GALNT18: variants seen among roughly 807,000 people sequenced by gnomAD.
GALNT18 encodes the protein GalNAc-transferase 18.
A neutral mutation model predicts 69.5 loss-of-function variants in GALNT18; 44 were observed. That is an observed-to-expected ratio of 0.63 (90% confidence interval 0.50 to 0.81). The LOEUF is 0.81. GALNT18 is among the 40% of genes least tolerant of loss of function. The probability of loss-of-function intolerance (pLI) is 0.00; values close to 1 mark genes in which losing one functional copy is unlikely to be tolerated. For synonymous variants in GALNT18, 364 were observed against 318.2 expected (o/e 1.14, Z -1.53); for missense variants, 715 against 810.0 (o/e 0.88, Z 1.42).
chr11:11,336,625 G>T (rs78008924), intron 7 of GALNT18, among the ~76,000 whole-genome samples: 3,527 of 152,316 alleles, frequency 0.023, 64 homozygotes, highest in Middle Eastern at 0.058. Flanking sequence ...AGATGTGCTT[G>T]CAGCTGAGGA....
In GALNT18 at chr11:11,500,015, C is replaced by G. The variant is rs4910011; in HGVS notation, c.236-51079G>C. Among the ~76,000 whole-genome samples, 1 of 152,016 alleles carries G rather than the reference C, an allele frequency of 6.6e-6. No individual in the cohort carries two copies. Among genetic ancestry groups the G allele is most frequent in the Non-Finnish European group, 1.5e-5 (1 of 68,016 alleles). The stretch of plus-strand genomic sequence containing the variant: ...AGAGAAAGATGCAGTCCTAGAGACA[C>G]AGAGAAAGAAAAAAGATCAAGAGAA... On this transcript the variant is annotated intron_variant, in intron 1 of 10. Transcript: ENST00000227756. The surrounding 1 kb of genome is among the most constrained non-coding windows in gnomAD (Gnocchi z 5.0).
At chr11:11,545,880 T>C (rs922838141) in intron 1 of GALNT18, among the ~76,000 whole-genome samples, 2 of 152,160 alleles carry the variant, frequency 1.3e-5, no homozygotes, top group Non-Finnish European at 2.9e-5. Flanking sequence ...TCATTTGGCC[T>C]GCATCAAAAT....
rs188906951 is a variant in GALNT18 at position 11,601,103 on chromosome 11, C to G, written c.235+20256G>C. On this transcript the variant is annotated intron_variant, in intron 1 of 10. Coordinates refer to ENST00000227756, the MANE Select transcript of GALNT18 (RefSeq NM_198516.3). The surrounding 1 kb of genome is among the most constrained non-coding windows in gnomAD (Gnocchi z 4.0). ...TCTTTGAACAAATATATAATAGCTA[C>G]TTTGCTGTCTTTTTCTGGTAAGTCT... Among the ~76,000 whole-genome samples, 368 of 152,234 alleles carry G rather than the reference C, an allele frequency of 2.4e-3. 2 individuals carry two copies. Among genetic ancestry groups the G allele is most frequent in the Admixed American group, 3.3e-3 (51 of 15,296 alleles).
chr11:11,306,997 G>T (rs1303469952), intron 9 of GALNT18, among the ~76,000 whole-genome samples: 2 of 152,218 alleles, frequency 1.3e-5, no homozygotes, highest in Non-Finnish European at 2.9e-5. Flanking sequence ...TAGCCTGTGA[G>T]ATGATAACAC....
At chr11:11,331,091 C>T (rs1053587742) in intron 8 of GALNT18, among the ~76,000 whole-genome samples, 1 of 152,208 alleles carries the variant, frequency 6.6e-6, no homozygotes, top group Non-Finnish European at 1.5e-5. Flanking sequence ...CAGCTGTGTC[C>T]TCAGGATGGT....
intron 1 of GALNT18, among the ~76,000 whole-genome samples, chr11:11,499,286 C>A (rs181360858): frequency 6.6e-6 from 1 of 152,220 alleles, no homozygotes; most frequent in Non-Finnish European, 1.5e-5. Context: ...GGCAGGACAT[C>A]AAGTCAATGA....
At chr11:11,434,647 G>A (rs183551860) in intron 2 of GALNT18, among the ~76,000 whole-genome samples, 29 of 152,246 alleles carry the variant, frequency 1.9e-4, no homozygotes, top group South Asian at 1.9e-3. Flanking sequence ...AAAGTGAGTC[G>A]TGCAAGGGTT....
Position 11,314,736 on chromosome 11 carries a change from G to A in GALNT18, c.1512+12350C>T, listed in dbSNP as rs1438444889. Among the ~76,000 whole-genome samples the A allele has an allele frequency of 6.6e-6, 1 of 152,216 alleles. No individual in the cohort carries two copies. Among genetic ancestry groups the A allele is most frequent in the Non-Finnish European group, 1.5e-5 (1 of 68,036 alleles). ...GGGGGCAGCTGTGAAAGTCCTTTGG[G>A]CTATGCCCTGTGGAGGCTGTGGATT... On this transcript the variant is annotated intron_variant, in intron 9 of 10. Coordinates refer to ENST00000227756, the MANE Select transcript of GALNT18 (RefSeq NM_198516.3). The surrounding 1 kb of genome is among the most constrained non-coding windows in gnomAD (Gnocchi z 5.2).
intron 1 of GALNT18, among the ~76,000 whole-genome samples, chr11:11,539,545 C>G (rs1009146584): frequency 2.6e-5 from 4 of 152,318 alleles, no homozygotes; most frequent in African/African-American, 9.6e-5. Context: ...AGATTCACCC[C>G]TGCCCTTCAG....
Position 11,331,861 on chromosome 11 carries a change from T to C in GALNT18, c.1416+833A>G, listed in dbSNP as rs536058691. On this transcript the variant is annotated intron_variant, in intron 8 of 10. Coordinates refer to ENST00000227756, the MANE Select transcript of GALNT18 (RefSeq NM_198516.3). ...GCCAGGCGAGATAGCCAAAAATCAA[T>C]CAAAATACCATTTAAAATACCTTAC... Among the ~76,000 whole-genome samples, 150 of 152,276 alleles carry C rather than the reference T, an allele frequency of 9.9e-4. 2 individuals are homozygous for C. Among genetic ancestry groups the C allele is most frequent in the African/African-American group, 3.3e-3 (138 of 41,580 alleles).
intron 8 of GALNT18, among the ~76,000 whole-genome samples, chr11:11,328,350 G>A (rs948377383): frequency 6.6e-6 from 1 of 152,116 alleles, no homozygotes. Context: ...CCTAGAACAG[G>A]GGACTGGAGA....
At position 11,271,022 on chromosome 11, in the gene GALNT18, CTCT is replaced by C; in HGVS notation, c.*119_*121del. 1 of 746,820 alleles carries C rather than the reference CTCT, an allele frequency of 1.3e-6. No homozygotes were observed. The highest frequency in any genetic ancestry group is 1.7e-5 in the African/African-American group (1 of 58,172). The allele number at this position is 746,820 out of a possible 1,614,324, so 46.3% of individuals were successfully genotyped here. A position where few individuals can be genotyped will look rare whatever the true frequency, so the allele number is the denominator to read the frequency against. On this transcript the variant is annotated 3_prime_UTR_variant, in exon 11 of 11. Transcript: ENST00000227756. Reference sequence around the variant, plus strand: ...TGAAAATTGAATAGGAAATAAAAAGCTCTTCTTGGGGGCCCACTAACCTGGTTC... The same window carrying C: ...TGAAAATTGAATAGGAAATAAAAAGCTCTTGGGGGCCCACTAACCTGGTTC...
chr11:11,361,295 C>A (rs1486686668), intron 6 of GALNT18, among the ~76,000 whole-genome samples: 1 of 152,184 alleles, frequency 6.6e-6, no homozygotes, highest in Non-Finnish European at 1.5e-5. Flanking sequence ...GGGTTCAAAT[C>A]GCATCTTTAC....
At position 11,596,948 on chromosome 11, in the gene GALNT18, T is replaced by C. The variant is rs932729111; in HGVS notation, c.235+24411A>G. Among the ~76,000 whole-genome samples, 3 of 152,186 alleles carry C rather than the reference T, an allele frequency of 2.0e-5. No individual in the cohort carries two copies. Among genetic ancestry groups the C allele is most frequent in the Non-Finnish European group, 1.5e-5 (1 of 68,020 alleles). On this transcript the variant is annotated intron_variant, in intron 1 of 10. Coordinates refer to ENST00000227756, the MANE Select transcript of GALNT18 (RefSeq NM_198516.3). This position sits in a 1 kb window ranked among gnomAD's most constrained non-coding sequence, Gnocchi z 4.2. Reference sequence around the variant, plus strand: ...TGTTAGTTGTGGGATTTTTTGTAGATGTTCTTCATCAGGTTGTTGAAATTA... The same window carrying C: ...TGTTAGTTGTGGGATTTTTTGTAGACGTTCTTCATCAGGTTGTTGAAATTA...
intron 1 of GALNT18, among the ~76,000 whole-genome samples, chr11:11,520,325 A>G (rs11021891): frequency 0.21 from 31,557 of 152,194 alleles, 3,843 homozygotes; most frequent in Non-Finnish European, 0.25. Context: ...CAAATGGTAG[A>G]GCAAGATTCA....
intron 6 of GALNT18, among the ~76,000 whole-genome samples, chr11:11,342,358 T>G (rs1261841387): frequency 6.6e-6 from 1 of 152,196 alleles, no homozygotes; most frequent in Non-Finnish European, 1.5e-5. Context: ...TGGTGGACAG[T>G]AGATATTACT....
At chr11:11,455,273 C>T (rs1452478181) in intron 1 of GALNT18, among the ~76,000 whole-genome samples, 3 of 152,142 alleles carry the variant, frequency 2.0e-5, no homozygotes, top group African/African-American at 7.2e-5. Context: ...CATATAGCAT[C>T]CAACTTAGTG....
At chr11:11,474,892 T>G (rs1856355359) in intron 1 of GALNT18, among the ~76,000 whole-genome samples, 1 of 152,216 alleles carries the variant, frequency 6.6e-6, no homozygotes. Context: ...GAGACAGTGT[T>G]GACTCCACAG....
chr11:11,493,297 T>G (rs1419938664), intron 1 of GALNT18, among the ~76,000 whole-genome samples: 1 of 146,978 alleles, frequency 6.8e-6, no homozygotes, highest in African/African-American at 2.5e-5. Context: ...AAAAAAAAAT[T>G]TCTTGGACCT....
Sources: allele counts gnomAD v4.1 joint callset (sites outside exome capture counted in the v4.1 genomes callset), GRCh38; gene constraint gnomAD v4.1.1; non-coding constraint Gnocchi (gnomAD v3.1); transcripts MANE v1.5; gene names NCBI Gene and HGNC (gene_info 2026-07-23, HGNC 2026-07-21).